REV3L: variants seen among roughly 807,000 people sequenced by gnomAD.
REV3L encodes the protein REV3 like, DNA directed polymerase zeta catalytic subunit.
A neutral mutation model predicts 299.4 loss-of-function variants in REV3L; 69 were observed. The observed-to-expected ratio is 0.23, with a 90% CI of 0.19 to 0.28. REV3L has a LOEUF of 0.28. Among genes scored for constraint, REV3L ranks in the 10% least tolerant of loss-of-function variants. The probability of loss-of-function intolerance (pLI) is 1.00; values close to 1 mark genes in which losing one functional copy is unlikely to be tolerated. For synonymous variants in REV3L, 1,238 were observed against 1,271.4 expected (o/e 0.97, Z 0.56); for missense variants, 3,128 against 3,693.8 (o/e 0.85, Z 3.97).
At chr6:111,425,650 C>CAT (rs144467470) in intron 1 of REV3L, among the ~76,000 whole-genome samples, 2,205 of 147,774 alleles carry the variant, frequency 0.015, 34 homozygotes, top group Admixed American at 0.04. Context: ...AATATGGCAC[C>CAT]ATATATATAT....
intron 1 of REV3L, among the ~76,000 whole-genome samples, chr6:111,471,711 G>T (rs541247423): frequency 6.6e-6 from 1 of 152,198 alleles, no homozygotes; most frequent in Non-Finnish European, 1.5e-5. Flanking sequence ...CTCAGCAACA[G>T]AAGGCAGTGG....
chr6:111,483,353 C>T (rs1794013625), upstream of REV3L: 2 of 476,908 alleles, frequency 4.2e-6, no homozygotes, highest in Admixed American at 4.4e-5. Flanking sequence ...GGGCGGGGGC[C>T]GAGAAGGGGC....
intron 4 of REV3L, among the ~76,000 whole-genome samples, chr6:111,398,795 A>C (rs1437639810): frequency 6.6e-6 from 1 of 152,170 alleles, no homozygotes; most frequent in African/African-American, 2.4e-5. Flanking sequence ...TTTCAGTATA[A>C]TCTTTTATCT....
chr6:111,308,301 T>C, intron 30 of REV3L: 2 of 452,034 alleles, frequency 4.4e-6, no homozygotes, highest in South Asian at 3.1e-5. Context: ...GTTAACATTC[T>C]TGCCGATGAT....
intron 4 of REV3L, among the ~76,000 whole-genome samples, chr6:111,403,074 G>A (rs1322797894): frequency 2.6e-5 from 4 of 152,110 alleles, no homozygotes; most frequent in African/African-American, 4.8e-5. Flanking sequence ...AAAAAGAAAC[G>A]AAGTACTGAT....
intron 8 of REV3L, 21 bp from the exon 9 acceptor site, chr6:111,387,934 C>G: frequency 1.9e-6 from 3 of 1,612,802 alleles, no homozygotes; most frequent in Non-Finnish European, 2.5e-6. Context: ...AAAACATATC[C>G]TTTATAACAG....
chr6:111,440,194 C>T (rs1055039895), intron 1 of REV3L, among the ~76,000 whole-genome samples: 8 of 152,116 alleles, frequency 5.3e-5, no homozygotes, highest in African/African-American at 1.9e-4. Context: ...GGCCTCCCTC[C>T]TAGTAGCTGG....
At chr6:111,427,323 T>A (rs1044901612) in intron 1 of REV3L, among the ~76,000 whole-genome samples, 1 of 152,166 alleles carries the variant, frequency 6.6e-6, no homozygotes. Flanking sequence ...GAAAAAAAAG[T>A]TGTGAATCAT....
chr6:111,316,785 T>C (rs184245375), intron 26 of REV3L, among the ~76,000 whole-genome samples: 13 of 152,108 alleles, frequency 8.5e-5, no homozygotes, highest in Admixed American at 2.6e-4. Context: ...TCATATCATA[T>C]ACAAAAAAGA....
intron 4 of REV3L, among the ~76,000 whole-genome samples, chr6:111,399,427 T>C (rs1377537742): frequency 1.3e-5 from 2 of 152,198 alleles, no homozygotes; most frequent in Non-Finnish European, 2.9e-5. Context: ...CACTGGAAGA[T>C]TACTATTAAC....
At chr6:111,341,343 C>A (rs752938244) in intron 21 of REV3L, among the ~76,000 whole-genome samples, 2 of 152,194 alleles carry the variant, frequency 1.3e-5, no homozygotes, top group Non-Finnish European at 2.9e-5. Flanking sequence ...CCACTGCACT[C>A]AGCCAACTTC....
At chr6:111,454,754 T>C (rs537499088) in intron 1 of REV3L, among the ~76,000 whole-genome samples, 20 of 152,110 alleles carry the variant, frequency 1.3e-4, no homozygotes, top group African/African-American at 4.6e-4. Context: ...ACAACCTCCA[T>C]CTCCCAGGTT....
chr6:111,435,390 A>G (rs1787434089), intron 1 of REV3L, among the ~76,000 whole-genome samples: 1 of 152,216 alleles, frequency 6.6e-6, no homozygotes, highest in Admixed American at 6.5e-5. Flanking sequence ...GAGGCATCAC[A>G]CTACCTGACT....
At chr6:111,329,120 T>C (rs1000109923) in intron 25 of REV3L, among the ~76,000 whole-genome samples, 7 of 152,086 alleles carry the variant, frequency 4.6e-5, no homozygotes, top group Non-Finnish European at 8.8e-5. Context: ...CTTGGCTCAC[T>C]GCAACCTCTG....
At position 111,365,309 on chromosome 6, in the gene REV3L, T is replaced by C. The variant is rs768537155; in HGVS notation, c.6709A>G (p.Ser2237Gly). ...ACTCTTCTAAGAGTGTCAGTATTAC[T>C]TCCTTTCTTATTACTCAACTTCTGT... is the stretch of plus-strand genomic sequence containing the variant. ...KTQKLSNKKG[S>G]NTDTLRRVLL... is the part of the protein sequence containing the mutation. Residue 2237 changes from serine to glycine, a missense_variant, in exon 15 of 32, where the codon AGT (serine) becomes GGT (glycine). Ser to Gly is a moderately conservative substitution (Grantham distance 56). This residue lies in a region of REV3L where 2,409 missense variants were observed against 2,611.8 expected (regional missense o/e 0.92). Transcript: ENST00000368802. 4 of 1,577,308 alleles carry C rather than the reference T, an allele frequency of 2.5e-6. No homozygotes were observed. The highest frequency in any genetic ancestry group is 2.4e-5 in the South Asian group (2 of 83,996).
rs1456528162 is a variant in REV3L, at chr6:111,374,149, T to C, written c.4206A>G (p.Glu1402=). ...NYLSSIGKLS[E]YRNSLESKLD... is the part of the protein sequence containing the mutation. ...GCTTTGATTCTAGGGAATTGCGATA[T>C]TCACTTAACTTTCCGATTGATGACA... The change falls in exon 13 of 32, where the codon GAA becomes GAG. Residue 1402 remains glutamate, a synonymous_variant. Coordinates refer to ENST00000368802, the MANE Select transcript of REV3L (RefSeq NM_001372078.1). 6 of 1,614,150 alleles carry C rather than the reference T, an allele frequency of 3.7e-6. No individual in the cohort carries two copies. Among genetic ancestry groups the C allele is most frequent in the Non-Finnish European group, 4.2e-6 (5 of 1,179,986 alleles).
At chr6:111,380,554 C>T (rs926677238) in intron 10 of REV3L, among the ~76,000 whole-genome samples, 19 of 152,236 alleles carry the variant, frequency 1.2e-4, no homozygotes, top group Admixed American at 8.5e-4. Context: ...CCACCACGCC[C>T]GGCCTGTTTT....
intron 3 of REV3L, among the ~76,000 whole-genome samples, chr6:111,408,079 A>G (rs1783833648): frequency 6.6e-6 from 1 of 152,214 alleles, no homozygotes; most frequent in Non-Finnish European, 1.5e-5. Flanking sequence ...TTAATATTAA[A>G]ATGGAATTGG....
At chr6:111,394,179 TG>T (rs1782230126) in intron 4 of REV3L, among the ~76,000 whole-genome samples, 1 of 152,224 alleles carries the variant, frequency 6.6e-6, no homozygotes. Context: ...CTGTATCATA[TG>T]GTAGTTCTAG....
Sources: gnomAD v4.1 joint callset for allele counts (sites outside exome capture counted in the v4.1 genomes callset) on GRCh38, gnomAD v4.1.1 for gene constraint, gnomAD v4.1.1 regional missense constraint, MANE v1.5 for transcripts, NCBI Gene and HGNC (gene_info 2026-07-23, HGNC 2026-07-21) for gene names.